Variants in DNAH6 observed in about 807,000 individuals in gnomAD.
DNAH6 encodes the protein dynein axonemal heavy chain 6, also known as axonemal beta dynein heavy chain 6.
DNAH6 carries 340 observed loss-of-function variants against 491.4 expected under a neutral mutation model. The observed-to-expected ratio is 0.69, with a 90% CI of 0.63 to 0.76. DNAH6 has a LOEUF of 0.76. Among genes scored for constraint, DNAH6 ranks in the 30% least tolerant of loss-of-function variants. DNAH6 has a pLI of 0.00. For missense variants in DNAH6, 4,443 were observed against 4,972.2 expected (o/e 0.89, Z 3.20); for synonymous variants, 1,603 against 1,686.1 (o/e 0.95, Z 1.21).
At chr2:84,668,838 GTGTGTGTGTGTGTGTGTGTA>G (rs1418691661) in intron 37 of DNAH6, among the ~76,000 whole-genome samples, 43 of 66,566 alleles carry the variant, frequency 6.5e-4, no homozygotes, top group Admixed American at 1.3e-3. Context: ...GTGTGTGTGT[GTGTGTGTGTGTGTGTGTGTA>G]TGATTGTAAT....
intron 46 of DNAH6, among the ~76,000 whole-genome samples, chr2:84,696,293 A>G (rs1223748489): frequency 6.6e-6 from 1 of 151,954 alleles, no homozygotes; most frequent in African/African-American, 2.4e-5. Context: ...CTGTACTCGT[A>G]ACATTCTTTG....
At chr2:84,720,304 A>T (rs1697990029) in intron 59 of DNAH6, among the ~76,000 whole-genome samples, 1 of 96,912 alleles carries the variant, frequency 1.0e-5, no homozygotes, top group Admixed American at 1.7e-4. Flanking sequence ...TTTGAGACAG[A>T]GTCTCGCTCT....
chr2:84,650,343 A>G (rs919270399), intron 33 of DNAH6, among the ~76,000 whole-genome samples: 12 of 152,114 alleles, frequency 7.9e-5, no homozygotes, highest in Admixed American at 7.2e-4. Flanking sequence ...TTTTCAGACA[A>G]TATTCTCCGT....
At chr2:84,607,781 A>T (rs577101922) in intron 21 of DNAH6, among the ~76,000 whole-genome samples, 1 of 152,264 alleles carries the variant, frequency 6.6e-6, no homozygotes, top group African/African-American at 2.4e-5. Context: ...ATCTTGCCTC[A>T]GTGTTGATGG....
At chr2:84,486,687 C>G in the DNAH6 span, among the ~76,000 whole-genome samples, 3 of 152,202 alleles carry the variant, frequency 2.0e-5, no homozygotes, top group Non-Finnish European at 4.4e-5. Context: ...ACAAACCTGG[C>G]AGTCTTCCAG....
intron 62 of DNAH6, among the ~76,000 whole-genome samples, chr2:84,734,130 C>A (rs1699338741): frequency 6.7e-6 from 1 of 149,690 alleles, no homozygotes. Context: ...ATAGCCCTTT[C>A]AATTCTAAAA....
Position 84,652,400 on chromosome 2 carries a change from G to A in DNAH6, c.5079-919G>A, listed in dbSNP as rs183917920. On this transcript the variant is annotated intron_variant, in intron 33 of 76. Coordinates refer to ENST00000389394, the MANE Select transcript of DNAH6 (RefSeq NM_001370.2). ...TATTTATTTATAATTATTATTCTTG[G>A]AGCATGTTCCTATTGTACTCTTACT... Among the ~76,000 whole-genome samples, 9 of 151,882 alleles carry A rather than the reference G, an allele frequency of 5.9e-5. No individual in the cohort carries two copies. The East Asian group carries it at 1.7e-3, about 29-fold the overall frequency.
chr2:84,570,922 A>G (rs573284384), intron 11 of DNAH6, among the ~76,000 whole-genome samples: 1 of 152,310 alleles, frequency 6.6e-6, no homozygotes, highest in South Asian at 2.1e-4. Flanking sequence ...CAGCAAGACC[A>G]CGAACCCGCT....
intron 64 of DNAH6, among the ~76,000 whole-genome samples, chr2:84,774,703 T>A (rs776405760): frequency 6.6e-6 from 1 of 152,296 alleles, no homozygotes; most frequent in East Asian, 1.9e-4. Context: ...TTTCCATTTG[T>A]TTGTGTCATT....
At chr2:84,633,980 A>G (rs2104463638) in intron 29 of DNAH6, among the ~76,000 whole-genome samples, 1 of 152,308 alleles carries the variant, frequency 6.6e-6, no homozygotes, top group Admixed American at 6.5e-5. Context: ...CCCAAAAGAA[A>G]TGCCACACTT....
At chr2:84,806,200 T>C (rs184986716) in intron 71 of DNAH6, among the ~76,000 whole-genome samples, 1 of 152,356 alleles carries the variant, frequency 6.6e-6, no homozygotes, top group African/African-American at 2.4e-5. Flanking sequence ...TTGGACAGTA[T>C]AGAGATAGAG....
At chr2:84,678,750 G>T (rs900815067) in intron 41 of DNAH6, among the ~76,000 whole-genome samples, 1 of 152,116 alleles carries the variant, frequency 6.6e-6, no homozygotes, top group East Asian at 1.9e-4. Flanking sequence ...CTGTGATAAG[G>T]CTGCTTCTTC....
chr2:84,682,555 C>T (rs948873395), intron 42 of DNAH6, among the ~76,000 whole-genome samples: 2 of 152,160 alleles, frequency 1.3e-5, no homozygotes, highest in African/African-American at 4.8e-5. Flanking sequence ...TCAGTGTGCA[C>T]CCTCAGGCAT....
At chr2:84,805,521 T>C in intron 70 of DNAH6, 144 bp from the exon 71 acceptor site, 2 of 687,574 alleles carry the variant, frequency 2.9e-6, no homozygotes, top group East Asian at 3.2e-5. Flanking sequence ...TCATGTTAAT[T>C]GTTCTTACCA....
At chr2:84,800,120 C>A (rs1357988648) in intron 70 of DNAH6, among the ~76,000 whole-genome samples, 1 of 152,168 alleles carries the variant, frequency 6.6e-6, no homozygotes, top group Admixed American at 6.5e-5. Flanking sequence ...ACACACTGCA[C>A]AAACCTCTAT....
In DNAH6 at chr2:84,577,328, AC is replaced by A; in HGVS notation, c.1998del (p.Arg667GlufsTer3). On this transcript the variant is annotated frameshift_variant, in exon 13 of 77. Transcript: ENST00000389394. LOFTEE classifies it high-confidence loss of function. Reference sequence around the variant, plus strand: ...CAAGGACGCAGTAGCGCTCAGACCCACCAGAAATGTAGGATTGCTGCTCATT... The same window carrying A: ...CAAGGACGCAGTAGCGCTCAGACCCACAGAAATGTAGGATTGCTGCTCATT... ...QHKDAVALRP[T>X]RNVGLLLIDT... 6.2e-7 allele frequency: 1 copy of A among 1,612,492 alleles called. No individual in the cohort carries two copies. Among genetic ancestry groups the A allele is most frequent in the Non-Finnish European group, 8.5e-7 (1 of 1,179,162 alleles).
At chr2:84,686,772 A>G (rs932624667) in intron 44 of DNAH6, among the ~76,000 whole-genome samples, 7 of 152,170 alleles carry the variant, frequency 4.6e-5, no homozygotes, top group Admixed American at 3.9e-4. Context: ...TATGTATATG[A>G]TTTTTATATG....
intron 21 of DNAH6, among the ~76,000 whole-genome samples, chr2:84,608,129 A>G (rs1416816808): frequency 6.6e-6 from 1 of 152,158 alleles, no homozygotes; most frequent in African/African-American, 2.4e-5. Context: ...AAGTTTTATC[A>G]TGAGATTGCA....
intron 13 of DNAH6, 148 bp downstream of exon 13, chr2:84,577,556 G>A: frequency 1.6e-6 from 1 of 634,320 alleles, no homozygotes; most frequent in Non-Finnish European, 2.4e-6. Flanking sequence ...TCTAAGAAAA[G>A]CTCTATAGTC....
Sources: gnomAD v4.1 joint callset for allele counts (sites outside exome capture counted in the v4.1 genomes callset) on GRCh38, gnomAD v4.1.1 for gene constraint, MANE v1.5 for transcripts, NCBI Gene and HGNC (gene_info 2026-07-23, HGNC 2026-07-21) for gene names.